EFHC2: variants seen among roughly 807,000 people sequenced by gnomAD.
The protein encoded by EFHC2 is EF-hand domain-containing family member C2.
Under a neutral mutation model 52.7 loss-of-function variants are expected in EFHC2, and 18 were observed. The observed-to-expected ratio is 0.34, with a 90% CI of 0.24 to 0.51. EFHC2 has a LOEUF of 0.51. Ranked by LOEUF, EFHC2 falls within the 20% of genes least tolerant of loss-of-function variation. The pLI is 0.97. For missense variants in EFHC2, 513 were observed against 562.5 expected (o/e 0.91, Z 0.89); for synonymous variants, 203 against 204.1 (o/e 0.99, Z 0.04).
intron 11 of EFHC2, among the ~76,000 whole-genome samples, chrX:44,207,055 A>G (rs981182636): frequency 1.1e-4 from 12 of 111,945 alleles, no homozygotes; most frequent in Non-Finnish European, 3.8e-5. Flanking sequence ...GAACTCAGAA[A>G]TAAAGCCACA....
chrX:44,320,106 C>T (rs949524258), intron 1 of EFHC2, among the ~76,000 whole-genome samples: 1 of 110,829 alleles, frequency 9.0e-6, no homozygotes, highest in Non-Finnish European at 1.9e-5. Flanking sequence ...CCACAACCAG[C>T]TAATTTTTGT....
intron 1 of EFHC2, among the ~76,000 whole-genome samples, chrX:44,343,242 G>C (rs1305724890): frequency 1.8e-5 from 2 of 111,345 alleles, no homozygotes; most frequent in Non-Finnish European, 3.8e-5. Context: ...TGCTGCATAA[G>C]GTGATTAAAG....
chrX:44,269,002 G>A (rs1377908188), intron 3 of EFHC2, among the ~76,000 whole-genome samples: 1 of 110,762 alleles, frequency 9.0e-6, no homozygotes, highest in African/African-American at 3.3e-5. Context: ...AAAGAACAAT[G>A]AGGACAGTTC....
At chrX:44,293,948 C>T (rs758607673) in intron 2 of EFHC2, among the ~76,000 whole-genome samples, 69 of 112,256 alleles carry the variant, frequency 6.1e-4, no homozygotes, top group African/African-American at 2.1e-3. Context: ...GAGTAATGCA[C>T]GAAGGTCTTG....
At position 44,297,598 on chromosome X, in the gene EFHC2, G is replaced by A. The variant is rs775261266; in HGVS notation, c.231+14970C>T. ...ATAAAAATTAGCTGGGTGTGGTGGCGTGCACCTGTAATCCCAGCTACCCAG... is the reference window on the plus strand; with the variant it reads ...ATAAAAATTAGCTGGGTGTGGTGGCATGCACCTGTAATCCCAGCTACCCAG... On this transcript the variant is annotated intron_variant, in intron 2 of 14. Coordinates refer to ENST00000420999, the MANE Select transcript of EFHC2 (RefSeq NM_025184.4). Among the ~76,000 whole-genome samples, 124 of 108,935 alleles carry A rather than the reference G, an allele frequency of 1.1e-3. 1 individual carries two copies. Among genetic ancestry groups the A allele is most frequent in the Non-Finnish European group, 1.5e-3 (77 of 52,464 alleles). 94.6% of individuals were successfully genotyped at this position (108,935 alleles called of 115,157 possible). A position where few individuals can be genotyped will look rare whatever the true frequency, so the allele number is the denominator to read the frequency against.
intron 13 of EFHC2, among the ~76,000 whole-genome samples, chrX:44,164,532 G>C (rs2036681661): frequency 9.0e-6 from 1 of 111,588 alleles, no homozygotes; most frequent in Non-Finnish European, 1.9e-5. Flanking sequence ...CCATTAAAAG[G>C]GGTTATTTAG....
At chrX:44,286,608 C>T (rs752986930) in intron 2 of EFHC2, among the ~76,000 whole-genome samples, 1 of 111,327 alleles carries the variant, frequency 9.0e-6, no homozygotes, top group African/African-American at 3.3e-5. Flanking sequence ...CTTTTGATCG[C>T]TTGGTGAATA....
intron 11 of EFHC2, among the ~76,000 whole-genome samples, chrX:44,204,766 C>T (rs754108524): frequency 6.3e-5 from 7 of 111,332 alleles, no homozygotes; most frequent in Non-Finnish European, 1.3e-4. Flanking sequence ...TACTGGCATT[C>T]GAGAGAGAGA....
intron 2 of EFHC2, chrX:44,285,595 T>C (rs1399148401): frequency 8.8e-6 from 1 of 114,055 alleles, no homozygotes; most frequent in Non-Finnish European, 1.9e-5. Flanking sequence ...ACCTAAGTGA[T>C]AACCTGTGGG....
chrX:44,216,778 A>T (rs2037153998), intron 11 of EFHC2, among the ~76,000 whole-genome samples: 1 of 111,992 alleles, frequency 8.9e-6, no homozygotes, highest in Non-Finnish European at 1.9e-5. Context: ...ACAAGAAAAC[A>T]TTGGGAAACT....
At chrX:44,163,062 GCT>G (rs1446653652) in intron 14 of EFHC2, among the ~76,000 whole-genome samples, 1 of 112,222 alleles carries the variant, frequency 8.9e-6, no homozygotes, top group East Asian at 2.8e-4. Context: ...TTCAAACCCA[GCT>G]CTGTCTGACT....
At chrX:44,307,948 AT>A (rs1477620218) in intron 2 of EFHC2, among the ~76,000 whole-genome samples, 2 of 103,950 alleles carry the variant, frequency 1.9e-5, no homozygotes, top group African/African-American at 3.3e-5. Flanking sequence ...AAAAAAAAAA[AT>A]TTTGTTTCGT....
intron 7 of EFHC2, among the ~76,000 whole-genome samples, chrX:44,243,774 T>C (rs912605000): frequency 3.1e-4 from 34 of 108,338 alleles, no homozygotes; most frequent in African/African-American, 1.1e-3. Context: ...GCTTCAACTA[T>C]TGCTATTTTT....
chrX:44,251,597 T>TAAAAAAAAAAA (rs566022760), intron 4 of EFHC2, among the ~76,000 whole-genome samples: 7 of 12,551 alleles, frequency 5.6e-4, no homozygotes, highest in Non-Finnish European at 1.1e-3. Flanking sequence ...CAATACTCTG[T>TAAAAAAAAAAA]AAAAAAAAAA....
chrX:44,250,453 T>C lies in EFHC2; in HGVS notation c.607-8A>G, dbSNP rs750761870. On this transcript the variant is annotated splice_polypyrimidine_tract_variant and splice_region_variant and intron_variant, in intron 4 of 14. Coordinates refer to ENST00000420999, the MANE Select transcript of EFHC2 (RefSeq NM_025184.4). Reference sequence around the variant, plus strand: ...CTCTACGTGTTCTACAACCTGCAAATGGAGAAAATGTCAATAATAGTTGCA... The same window carrying C: ...CTCTACGTGTTCTACAACCTGCAAACGGAGAAAATGTCAATAATAGTTGCA... 5 of 1,179,724 alleles carry C rather than the reference T, an allele frequency of 4.2e-6. No homozygotes were observed. The African/African-American group carries it at 7.1e-5, about 17-fold the overall frequency.
chrX:44,220,802 A>T (rs2037187913), intron 11 of EFHC2, among the ~76,000 whole-genome samples: 1 of 112,245 alleles, frequency 8.9e-6, no homozygotes, highest in Non-Finnish European at 1.9e-5. Context: ...ATGCACATAC[A>T]CATATATTTA....
chrX:44,178,467 T>C lies in EFHC2; in HGVS notation c.1849A>G (p.Met617Val), dbSNP rs1216925834. 1 of 1,207,806 alleles carries C rather than the reference T, an allele frequency of 8.3e-7. No homozygotes were observed. Among genetic ancestry groups the C allele is most frequent in the Non-Finnish European group, 1.1e-6 (1 of 893,562 alleles). ...TGGGCCAGTGCGATTAAGAAATCCA[T>C]ATCTGAACATGTGCCCTCAGGCACA... is the stretch of plus-strand genomic sequence containing the variant. The part of the protein sequence containing the change: ...YRVPEGTCSD[M>V]DFLIALAHEK... Residue 617 changes from methionine (M) to valine (V), a missense_variant, in exon 12 of 15, where the codon ATG (methionine) becomes GTG (valine). Physicochemically the swap from Met to Val is conservative, Grantham distance 21. Transcript: ENST00000420999.
chrX:44,239,538 T>C (rs996227728), intron 8 of EFHC2, among the ~76,000 whole-genome samples: 3 of 111,943 alleles, frequency 2.7e-5, no homozygotes, highest in Admixed American at 1.9e-4. Flanking sequence ...ACAGGTAAAT[T>C]CCAGAAGTCA....
At chrX:44,324,567 T>C (rs1569309015) in intron 1 of EFHC2, among the ~76,000 whole-genome samples, 1 of 110,060 alleles carries the variant, frequency 9.1e-6, no homozygotes, top group African/African-American at 3.3e-5. Flanking sequence ...AACCCCTGCA[T>C]ACACACACAC....
Sources: allele counts gnomAD v4.1 joint callset (sites outside exome capture counted in the v4.1 genomes callset), GRCh38; gene constraint gnomAD v4.1.1; transcripts MANE v1.5; gene names NCBI Gene and HGNC (gene_info 2026-07-23, HGNC 2026-07-21).